Variants in PARD3B observed in about 807,000 individuals in gnomAD.
PARD3B encodes the protein partitioning defective 3 homolog B.
PARD3B carries 103 observed loss-of-function variants against 130.2 expected under a neutral mutation model. The ratio of observed to expected loss-of-function variants is 0.79; its 90% CI spans 0.67 to 0.93. PARD3B has a LOEUF of 0.93. Among genes scored for constraint, PARD3B ranks in the 40% least tolerant of loss-of-function variants. The pLI, the probability that PARD3B is intolerant of heterozygous loss-of-function variation, is 0.00. For missense variants in PARD3B, 1,609 were observed against 1,499.2 expected (o/e 1.07, Z -1.21); for synonymous variants, 583 against 553.2 (o/e 1.05, Z -0.76).
rs2289025 is a variant in PARD3B, at chr2:205,104,496, G to A, written c.575G>A (p.Arg192Lys). The A allele has an allele frequency of 0.63, 981,894 of 1,565,804 alleles. 311,146 individuals are homozygous for A. Among genetic ancestry groups the A allele is most frequent in the East Asian group, 0.8 (35,758 of 44,540 alleles). ...CAGACAGAACTACTAACTTCGCCAA[G>A]AACTAAGGACACATTGAGGTATTCT... is the stretch of plus-strand genomic sequence containing the variant. ...GVQTELLTSP[R>K]TKDTLSDMTR... The change falls in exon 5 of 23, where the codon AGA becomes AAA. Residue 192 changes from arginine (R) to lysine (K), a missense_variant. Transcript: ENST00000406610.
intron 18 of PARD3B, among the ~76,000 whole-genome samples, chr2:205,380,842 A>AATATAAAGAATATATATAAT: frequency 1.0e-5 from 1 of 96,092 alleles, no homozygotes; most frequent in African/African-American, 4.6e-5. Context: ...AATACATTAT[A>AATATAAAGAATATATATAAT]ATATAAAGAA....
At chr2:204,550,594 G>A (rs1408004268) in intron 1 of PARD3B, among the ~76,000 whole-genome samples, 1 of 152,222 alleles carries the variant, frequency 6.6e-6, no homozygotes, top group African/African-American at 2.4e-5. Context: ...GCCAATTTGT[G>A]GCTCTGACTG....
chr2:205,283,758 AG>A (rs1310980060), intron 16 of PARD3B, among the ~76,000 whole-genome samples: 2 of 152,206 alleles, frequency 1.3e-5, no homozygotes, highest in African/African-American at 4.8e-5. Flanking sequence ...ATCATTTTTA[AG>A]TGTACAGTTC....
At chr2:205,615,384 C>T in intron 22 of PARD3B, 72 bp from the exon 23 acceptor site, 1 of 1,331,640 alleles carries the variant, frequency 7.5e-7, no homozygotes, top group Non-Finnish European at 1.0e-6. Context: ...GCACAGGAGG[C>T]TGAGGAACAT....
rs1277310416 is a variant in PARD3B at position 204,623,803 on chromosome 2, A to G, written c.121-62378A>G. On this transcript the variant is annotated intron_variant, in intron 1 of 22. Coordinates refer to ENST00000406610, the MANE Select transcript of PARD3B (RefSeq NM_001302769.2). The surrounding 1 kb of genome is among the most constrained non-coding windows in gnomAD (Gnocchi z 4.5). Reference sequence around the variant, plus strand: ...AAGAATTTATACCCATTGAATAGCAACTGCTTATTTCTCCCTGTCCCCAAC... The same window carrying G: ...AAGAATTTATACCCATTGAATAGCAGCTGCTTATTTCTCCCTGTCCCCAAC... Among the ~76,000 whole-genome samples the G allele has an allele frequency of 6.6e-6, 1 of 152,142 alleles. No homozygotes were observed. The highest frequency in any genetic ancestry group is 6.6e-5 in the Admixed American group (1 of 15,262).
chr2:205,087,965 G>C lies in PARD3B; in HGVS notation c.505-16461G>C, dbSNP rs150556409. On this transcript the variant is annotated intron_variant, in intron 4 of 22. Transcript: ENST00000406610. The stretch of plus-strand genomic sequence containing the variant: ...TTCTAATGTGACAGTGTAATCATAA[G>C]GACATCAGAGTTAAGCCAATTATTC... Among the ~76,000 whole-genome samples, 226 of 152,232 alleles carry C rather than the reference G, an allele frequency of 1.5e-3. 1 individual carries two copies. Among genetic ancestry groups the C allele is most frequent in the African/African-American group, 5.3e-3 (221 of 41,534 alleles).
chr2:205,411,841 G>C (rs1390132923), intron 19 of PARD3B, among the ~76,000 whole-genome samples: 2 of 152,116 alleles, frequency 1.3e-5, no homozygotes, highest in Non-Finnish European at 2.9e-5. Context: ...AGTAGTGTGG[G>C]GGGTGCTGGC....
At chr2:205,249,658 C>G (rs2039752516) in intron 16 of PARD3B, among the ~76,000 whole-genome samples, 1 of 152,116 alleles carries the variant, frequency 6.6e-6, no homozygotes, top group African/African-American at 2.4e-5. Flanking sequence ...TCAGGGGCTT[C>G]CCCAAAAGGG....
intron 10 of PARD3B, among the ~76,000 whole-genome samples, chr2:205,157,460 A>G (rs2034247013): frequency 6.6e-6 from 1 of 152,154 alleles, no homozygotes; most frequent in African/African-American, 2.4e-5. Context: ...TGAAAGAACT[A>G]TTTCTTTAAA....
intron 13 of PARD3B, among the ~76,000 whole-genome samples, chr2:205,177,094 A>G (rs950501235): frequency 2.0e-5 from 3 of 152,176 alleles, no homozygotes; most frequent in African/African-American, 7.2e-5. Context: ...TTGCCTTATT[A>G]TCTAATGTGG....
intron 1 of PARD3B, among the ~76,000 whole-genome samples, chr2:204,627,622 A>T (rs541709438): frequency 4.5e-4 from 68 of 152,238 alleles, no homozygotes; most frequent in Non-Finnish European, 6.9e-4. Context: ...TTATTTCACT[A>T]AGCTTAATGT....
chr2:205,109,567 AG>A (rs1703470756), intron 5 of PARD3B, among the ~76,000 whole-genome samples: 1 of 152,024 alleles, frequency 6.6e-6, no homozygotes, highest in Admixed American at 6.6e-5. Flanking sequence ...TGTAAATACC[AG>A]ATGTGGTATG....
intron 2 of PARD3B, among the ~76,000 whole-genome samples, chr2:204,771,590 G>A (rs2041385189): frequency 6.6e-6 from 1 of 152,012 alleles, no homozygotes; most frequent in Non-Finnish European, 1.5e-5. Context: ...CCTGGGTGAT[G>A]GGATCAATAG....
chr2:205,597,762 C>T (rs2054622925), intron 22 of PARD3B, among the ~76,000 whole-genome samples: 1 of 152,178 alleles, frequency 6.6e-6, no homozygotes, highest in Non-Finnish European at 1.5e-5. Flanking sequence ...AAGGGAAACC[C>T]CATAAGGCTA....
intron 20 of PARD3B, among the ~76,000 whole-genome samples, chr2:205,498,689 T>C (rs1468284309): frequency 6.6e-6 from 1 of 152,178 alleles, no homozygotes; most frequent in Non-Finnish European, 1.5e-5. Context: ...GCTTTCTCAT[T>C]GCTTTACTTT....
intron 1 of PARD3B, among the ~76,000 whole-genome samples, chr2:204,575,604 C>T (rs59083056): frequency 1.8e-3 from 279 of 152,266 alleles, no homozygotes; most frequent in Middle Eastern, 0.014. Context: ...GTGGTACTTG[C>T]GTGTGGTGTC....
Position 205,172,254 on chromosome 2 carries a change from G to T in PARD3B, c.1664G>T (p.Gly555Val). The T allele has an allele frequency of 1.2e-6, 2 of 1,614,140 alleles. No homozygotes were observed. The highest frequency in any genetic ancestry group is 1.1e-5 in the South Asian group (1 of 91,084). Residue 555 changes from glycine to valine, a missense_variant, in exon 12 of 23, where the codon GGG becomes GTG. By Grantham distance (109) the Gly-to-Val change is moderately radical. Transcript: ENST00000406610. ...AATGACCAGCTGATTGCAGTTAATG[G>T]GGAATCTCTTTTGGGAAAGTCCAAC... ...RMNDQLIAVN[G>V]ESLLGKSNHE...
At chr2:205,449,809 A>G (rs1335225583) in intron 20 of PARD3B, among the ~76,000 whole-genome samples, 1 of 152,222 alleles carries the variant, frequency 6.6e-6, no homozygotes, top group African/African-American at 2.4e-5. Flanking sequence ...GTTGTGTTCC[A>G]GAGGTCACAC....
At chr2:204,815,048 G>C (rs1401481519) in intron 2 of PARD3B, among the ~76,000 whole-genome samples, 1 of 151,674 alleles carries the variant, frequency 6.6e-6, no homozygotes, top group Non-Finnish European at 1.5e-5. Context: ...ATGATTGTCA[G>C]GGTAATTTAA....
Sources: allele counts gnomAD v4.1 joint callset (sites outside exome capture counted in the v4.1 genomes callset), GRCh38; gene constraint gnomAD v4.1.1; non-coding constraint Gnocchi (gnomAD v3.1); transcripts MANE v1.5; gene names NCBI Gene and HGNC (gene_info 2026-07-23, HGNC 2026-07-21).